Variants in YIPF4 observed in about 807,000 individuals in gnomAD.
YIPF4 encodes Yip1 domain family member 4, also known as protein YIPF4.
A neutral mutation model predicts 29.4 loss-of-function variants in YIPF4; 18 were observed. The ratio of observed to expected loss-of-function variants is 0.61; its 90% CI spans 0.42 to 0.91. The LOEUF (loss-of-function observed/expected upper bound fraction) is 0.91. Among genes scored for constraint, YIPF4 ranks in the 40% least tolerant of loss-of-function variants. The pLI is 0.00. For synonymous variants in YIPF4, 115 were observed against 104.7 expected (o/e 1.10, Z -0.60); for missense variants, 279 against 282.7 (o/e 0.99, Z 0.09).
intron 4 of YIPF4, among the ~76,000 whole-genome samples, chr2:32,298,683 C>T (rs1175146531): frequency 1.3e-5 from 2 of 151,900 alleles, no homozygotes; most frequent in Non-Finnish European, 2.9e-5. Flanking sequence ...CTCAGCCTTC[C>T]GAGTAGCTGG....
At chr2:32,283,832 C>G (rs1462868662) in intron 1 of YIPF4, among the ~76,000 whole-genome samples, 1 of 151,878 alleles carries the variant, frequency 6.6e-6, no homozygotes, top group Non-Finnish European at 1.5e-5. Flanking sequence ...ATTCTCCTGC[C>G]TCAGCCTCCC....
intron 3 of YIPF4, among the ~76,000 whole-genome samples, chr2:32,293,172 TAAAC>T (rs1030117754): frequency 6.6e-6 from 1 of 152,084 alleles, no homozygotes; most frequent in Non-Finnish European, 1.5e-5. Context: ...GGTCAGCAGA[TAAAC>T]AAGTGAACAA....
At chr2:32,297,930 A>T (rs1159358255) in intron 3 of YIPF4, among the ~76,000 whole-genome samples, 1 of 152,082 alleles carries the variant, frequency 6.6e-6, no homozygotes, top group Non-Finnish European at 1.5e-5. Flanking sequence ...TTCTTCTGGG[A>T]TGCTGTAAGA....
In YIPF4 at chr2:32,310,063, T is replaced by A. The variant is rs917565546; in HGVS notation, c.*4437T>A. On this transcript the variant is annotated 3_prime_UTR_variant, in exon 6 of 6. Coordinates refer to ENST00000238831, the MANE Select transcript of YIPF4 (RefSeq NM_032312.4). ...GTGGTATGGCATTCTGAAGCAAGTC[T>A]TAACAGAGCTAAAAATCACCCTTAC... 2 of 152,218 alleles carry A rather than the reference T, an allele frequency of 1.3e-5. No homozygotes were observed. The highest frequency in any genetic ancestry group is 4.8e-5 in the African/African-American group (2 of 41,460). 9.4% of individuals were successfully genotyped at this position (152,218 alleles called of 1,614,324 possible). A position where few individuals can be genotyped will look rare whatever the true frequency, so the allele number is the denominator to read the frequency against.
In YIPF4 at chr2:32,312,208, G is replaced by T. The variant is rs1033791808; in HGVS notation, c.*6582G>T. 6.6e-6 allele frequency: 1 copy of T among 151,872 alleles called. No homozygotes were observed. The highest frequency in any genetic ancestry group is 2.4e-5 in the African/African-American group (1 of 41,354). The allele number at this position is 151,872 out of a possible 1,614,324, so 9.4% of individuals were successfully genotyped here. A position where few individuals can be genotyped will look rare whatever the true frequency, so the allele number is the denominator to read the frequency against. ...TTTACCTTATAAAAATCTATTTTCGGCCAGGCGCGGTGGCTCACGCCTGTA... is the reference window on the plus strand; with the variant it reads ...TTTACCTTATAAAAATCTATTTTCGTCCAGGCGCGGTGGCTCACGCCTGTA... On this transcript the variant is annotated 3_prime_UTR_variant, in exon 6 of 6. Transcript: ENST00000238831.
chr2:32,298,224 TC>T lies in YIPF4; in HGVS notation c.406-5del. On this transcript the variant is annotated splice_polypyrimidine_tract_variant and intron_variant, in intron 3 of 5. Coordinates refer to ENST00000238831, the MANE Select transcript of YIPF4 (RefSeq NM_032312.4). Reference sequence around the variant, plus strand: ...ATAAAAATATTAATTGCATGATTTTTCCCCCTAAGGTGGTCTCATGGATTAT... The same window carrying T: ...ATAAAAATATTAATTGCATGATTTTTCCCCTAAGGTGGTCTCATGGATTAT... 6.3e-7 allele frequency: 1 copy of T among 1,581,640 alleles called. No individual in the cohort carries two copies. Among genetic ancestry groups the T allele is most frequent in the Non-Finnish European group, 8.6e-7 (1 of 1,158,230 alleles).
chr2:32,298,147 TG>T, intron 3 of YIPF4, 86 bp from the exon 4 acceptor site: 1 of 1,055,254 alleles, frequency 9.5e-7, no homozygotes, highest in Non-Finnish European at 1.5e-6. Context: ...CATGCTAAAC[TG>T]TCATTTATGG....
At chr2:32,286,429 AT>A (rs1245133972) in intron 1 of YIPF4, among the ~76,000 whole-genome samples, 3 of 152,238 alleles carry the variant, frequency 2.0e-5, no homozygotes, top group African/African-American at 7.2e-5. Flanking sequence ...ACAGAATTTA[AT>A]TATTTACAGT....
At position 32,313,795 on chromosome 2, in the gene YIPF4, TG is replaced by T. The variant is rs1213383320; in HGVS notation, c.*8172del. 6.6e-6 allele frequency: 1 copy of T among 151,346 alleles called. No homozygotes were observed. The highest frequency in any genetic ancestry group is 1.5e-5 in the Non-Finnish European group (1 of 67,910). 9.4% of individuals were successfully genotyped at this position (151,346 alleles called of 1,614,324 possible). On this transcript the variant is annotated 3_prime_UTR_variant, in exon 6 of 6. Transcript: ENST00000238831. ...TTGGCTCACTGCAACCTCTGCCTTC[TG>T]GGTTCAAGCGATTCTCCTGCCTCAG...
In YIPF4 at chr2:32,278,187, C is replaced by T. The variant is rs868647685; in HGVS notation, c.32C>T (p.Ala11Val). ...CCTCCGGGCCCGCCCCCGGCCTATG[C>T]CCCCACTAACGGGGACTTCACCTTT... MQPPGPPPAY[A>V]PTNGDFTFVS... Residue 11 changes from alanine (A) to valine (V), a missense_variant, in exon 1 of 6, where the codon GCC becomes GTC. Physicochemically the swap from Ala to Val is moderately conservative, Grantham distance 64 (BLOSUM62 0). Coordinates refer to ENST00000238831, the MANE Select transcript of YIPF4 (RefSeq NM_032312.4). 5 of 1,573,014 alleles carry T rather than the reference C, an allele frequency of 3.2e-6. No individual in the cohort carries two copies. Among genetic ancestry groups the T allele is most frequent in the South Asian group, 2.3e-5 (2 of 85,870 alleles).
In YIPF4 at chr2:32,290,635, T is replaced by C. The variant is rs2030870539; in HGVS notation, c.232T>C (p.Leu78=). The part of the protein sequence containing the change: ...DDDPEDNKPL[L]EELDIDLKDI... ...TGATCCTGAAGATAACAAGCCACTCTTGTATGTAAAAATAATAATATATAT... is the reference window on the plus strand; with the variant it reads ...TGATCCTGAAGATAACAAGCCACTCCTGTATGTAAAAATAATAATATATAT... Residue 78 remains leucine, a splice_region_variant and synonymous_variant, in exon 2 of 6, where the codon TTG becomes CTG. Transcript: ENST00000238831. 3 of 1,470,108 alleles carry C rather than the reference T, an allele frequency of 2.0e-6. No homozygotes were observed. Among genetic ancestry groups the C allele is most frequent in the Admixed American group, 2.5e-5 (1 of 40,648 alleles). 91.1% of individuals were successfully genotyped at this position (1,470,108 alleles called of 1,614,324 possible). A position where few individuals can be genotyped will look rare whatever the true frequency, so the allele number is the denominator to read the frequency against.
rs372303321 is a variant in YIPF4 at position 32,277,931 on chromosome 2, C to G, written c.-225C>G. 2 of 524,942 alleles carry G rather than the reference C, an allele frequency of 3.8e-6. No individual in the cohort carries two copies. Among genetic ancestry groups the G allele is most frequent in the African/African-American group, 2.0e-5 (1 of 48,844 alleles). 32.5% of individuals were successfully genotyped at this position (524,942 alleles called of 1,614,324 possible). A position where few individuals can be genotyped will look rare whatever the true frequency, so the allele number is the denominator to read the frequency against. ...CACTGTTATGGTCCTGTCAGGGTGC[C>G]GGCGTCGTGGTGCTTGGGTGGTCGC... On this transcript the variant is annotated 5_prime_UTR_variant, in exon 1 of 6. Transcript: ENST00000238831.
chr2:32,283,415 A>G (rs2030521943), intron 1 of YIPF4, among the ~76,000 whole-genome samples: 1 of 152,192 alleles, frequency 6.6e-6, no homozygotes, highest in Non-Finnish European at 1.5e-5. Flanking sequence ...ATTCTTAATG[A>G]TAGCTATCCT....
At chr2:32,282,814 C>T (rs1417753199) in intron 1 of YIPF4, among the ~76,000 whole-genome samples, 5 of 151,926 alleles carry the variant, frequency 3.3e-5, no homozygotes, top group East Asian at 3.9e-4. Flanking sequence ...GGGTGGCTCA[C>T]GCCTGTAATC....
intron 3 of YIPF4, among the ~76,000 whole-genome samples, chr2:32,296,231 C>T (rs72865568): frequency 0.037 from 5,675 of 152,002 alleles, 221 homozygotes; most frequent in African/African-American, 0.1. Context: ...CTCATGCCTA[C>T]AGACCGAGGC....
intron 1 of YIPF4, among the ~76,000 whole-genome samples, chr2:32,285,001 C>T (rs1350271257): frequency 6.6e-6 from 1 of 151,908 alleles, no homozygotes; most frequent in Non-Finnish European, 1.5e-5. Flanking sequence ...GAAAGAGTCT[C>T]CGGGGTACAG....
At chr2:32,280,100 C>G (rs2030325217) in intron 1 of YIPF4, among the ~76,000 whole-genome samples, 1 of 149,964 alleles carries the variant, frequency 6.7e-6, no homozygotes, top group South Asian at 2.1e-4. Context: ...ACCCTAAGGT[C>G]TGTGCCACCG....
At chr2:32,298,188 TC>T in intron 3 of YIPF4, 45 bp from the exon 4 acceptor site, 2 of 1,414,844 alleles carry the variant, frequency 1.4e-6, no homozygotes, top group Non-Finnish European at 2.0e-6. Context: ...AAAATTATCA[TC>T]TTATTTGGTA....
In YIPF4 at chr2:32,306,268, G is replaced by C. The variant is rs2031578744; in HGVS notation, c.*642G>C. On this transcript the variant is annotated 3_prime_UTR_variant, in exon 6 of 6. Transcript: ENST00000238831. ...AGAATTCTTAATAACTACTAAAACT[G>C]ATTTTTAATAGTTGCTGATATATAT... 1.0e-6 allele frequency: 1 copy of C among 970,226 alleles called. No homozygotes were observed. Among genetic ancestry groups the C allele is most frequent in the South Asian group, 4.8e-5 (1 of 20,958 alleles). 60.1% of individuals were successfully genotyped at this position (970,226 alleles called of 1,614,324 possible).
Sources: allele counts gnomAD v4.1 joint callset (sites outside exome capture counted in the v4.1 genomes callset), GRCh38; gene constraint gnomAD v4.1.1; transcripts MANE v1.5; gene names NCBI Gene and HGNC (gene_info 2026-07-23, HGNC 2026-07-21).